The following MIGA1 variants were observed in gnomAD, a reference collection of about 807,000 sequenced individuals.
MIGA1 encodes the protein family with sequence similarity 73, member A.
Under a neutral mutation model 82.0 loss-of-function variants are expected in MIGA1, and 58 were observed. That is an observed-to-expected ratio of 0.71 (90% CI 0.57 to 0.88). The LOEUF (loss-of-function observed/expected upper bound fraction) is 0.88, where lower values mean the gene tolerates loss of function less well. Among genes scored for constraint, MIGA1 ranks in the 40% least tolerant of loss-of-function variants. The probability of loss-of-function intolerance (pLI) is 0.00; values close to 1 mark genes in which losing one functional copy is unlikely to be tolerated. For synonymous variants in MIGA1, 249 were observed against 253.6 expected, an observed-to-expected ratio of 0.98 and a Z score of 0.17; for missense variants, 751 against 749.1, an observed-to-expected ratio of 1.00 and a Z score of -0.03.
intron 7 of MIGA1, among the ~76,000 whole-genome samples, chr1:77,823,699 G>A (rs2101832922): frequency 6.6e-6 from 1 of 152,262 alleles, no homozygotes; most frequent in East Asian, 1.9e-4. Context: ...TGAGTAGCTA[G>A]GACTGCAGGT....
intron 14 of MIGA1, among the ~76,000 whole-genome samples, chr1:77,872,250 A>G (rs943266001): frequency 5.3e-5 from 8 of 152,218 alleles, no homozygotes; most frequent in Admixed American, 3.3e-4. Context: ...GATTATAGGC[A>G]TGAGCCACCA....
Position 77,840,923 on chromosome 1 carries a change from ATAAT to A in MIGA1, c.896-2380_896-2377del, listed in dbSNP as rs544656965. 2.9e-3 allele frequency among the ~76,000 whole-genome samples: 447 copies of A among 152,310 alleles called. 2 individuals are homozygous for A. Among genetic ancestry groups the A allele is most frequent in the African/African-American group, 0.01 (427 of 41,580 alleles). On this transcript the variant is annotated intron_variant, in intron 7 of 15. Transcript: ENST00000370791. ...TTTTGTGAAATACTGAGAATGGAAA[ATAAT>A]TAAGATAACGCTTTGAAGGTTGTAC... is the stretch of plus-strand genomic sequence containing the variant.
chr1:77,815,189 A>G lies in MIGA1; in HGVS notation c.853A>G (p.Thr285Ala). ...TCGTCTCCAAGAGGAGTTTGAAGCT[A>G]CCCTTGGGGCATCTGATCCTAATTC... Residue 285 changes from threonine (T) to alanine (A), a missense_variant, in exon 7 of 16, where the codon ACC (threonine) becomes GCC (alanine). By Grantham distance (58) the Thr-to-Ala change is moderately conservative (BLOSUM62 0). Transcript: ENST00000370791. The G allele has an allele frequency of 6.2e-7, 1 of 1,608,568 alleles. No homozygotes were observed. Among genetic ancestry groups the G allele is most frequent in the Non-Finnish European group, 8.5e-7 (1 of 1,176,770 alleles).
At position 77,779,687 on chromosome 1, in the gene MIGA1, G is replaced by C. The variant is rs371178606; in HGVS notation, c.32G>C (p.Ser11Thr). ...GACTGCTGCTCAGCGCCAGGCATCAGCTGGGAAGCTGGCGTGGGCAGGCCA... is the reference window on the plus strand; with the variant it reads ...GACTGCTGCTCAGCGCCAGGCATCACCTGGGAAGCTGGCGTGGGCAGGCCA... The change falls in exon 1 of 16, where the codon AGC (serine) becomes ACC (threonine). Residue 11 changes from serine to threonine, a missense_variant. Ser to Thr is a moderately conservative substitution (Grantham distance 58). Transcript: ENST00000370791. 1.3e-4 allele frequency: 200 copies of C among 1,589,790 alleles called. No individual in the cohort carries two copies. Among genetic ancestry groups the C allele is most frequent in the African/African-American group, 1.9e-4 (14 of 74,532 alleles).
At chr1:77,783,730 A>G (rs1360213500) in intron 2 of MIGA1, among the ~76,000 whole-genome samples, 1 of 152,186 alleles carries the variant, frequency 6.6e-6, no homozygotes, top group African/African-American at 2.4e-5. Flanking sequence ...TGTATAGTTC[A>G]TTAGCCTTAA....
At chr1:77,816,867 T>C (rs1480865946) in intron 7 of MIGA1, among the ~76,000 whole-genome samples, 1 of 151,878 alleles carries the variant, frequency 6.6e-6, no homozygotes, top group Non-Finnish European at 1.5e-5. Context: ...AGAATAAGAA[T>C]GGAACAACTA....
At chr1:77,849,295 G>T (rs1268488928) in intron 8 of MIGA1, among the ~76,000 whole-genome samples, 1 of 152,108 alleles carries the variant, frequency 6.6e-6, no homozygotes, top group Non-Finnish European at 1.5e-5. Context: ...TGTTCGAGAG[G>T]CTGAGGCAGG....
chr1:77,843,037 A>G (rs1684685673), intron 7 of MIGA1, among the ~76,000 whole-genome samples: 1 of 152,180 alleles, frequency 6.6e-6, no homozygotes, highest in Non-Finnish European at 1.5e-5. Flanking sequence ...AGATAATCCA[A>G]CTCTGGTTAT....
chr1:77,817,666 T>C (rs563430162), intron 7 of MIGA1, among the ~76,000 whole-genome samples: 2 of 152,334 alleles, frequency 1.3e-5, no homozygotes, highest in East Asian at 3.9e-4. Context: ...GGAGCAGCTC[T>C]TTTACAACTG....
chr1:77,864,189 C>A (rs1462110318), intron 13 of MIGA1, among the ~76,000 whole-genome samples, 161 bp downstream of exon 13: 4 of 137,042 alleles, frequency 2.9e-5, no homozygotes, highest in Non-Finnish European at 6.3e-5. Flanking sequence ...GGTGAAACCC[C>A]ATCTCTACTA....
Position 77,874,959 on chromosome 1 carries a change from T to C in MIGA1, c.1794T>C (p.Leu598=). Residue 598 remains leucine (L), a synonymous_variant, in exon 16 of 16, where the codon CTT becomes CTC. Transcript: ENST00000370791. ...AGTTACTCATTCGCCGCACTGAGCT[T>C]TTAATGGCCTATCTTGAAGCAGATG... is the stretch of plus-strand genomic sequence containing the variant. 1 of 1,614,154 alleles carries C rather than the reference T, an allele frequency of 6.2e-7. No individual in the cohort carries two copies. Among genetic ancestry groups the C allele is most frequent in the Non-Finnish European group, 8.5e-7 (1 of 1,180,012 alleles).
intron 12 of MIGA1, 64 bp from the exon 13 acceptor site, chr1:77,863,829 TG>T: frequency 8.2e-7 from 1 of 1,213,284 alleles, no homozygotes; most frequent in Non-Finnish European, 1.1e-6. Flanking sequence ...CATAAAGCCC[TG>T]GCTCAGATTT....
At chr1:77,815,303 A>AAGACAGACACTTATGC in intron 7 of MIGA1, 72 bp downstream of exon 7, 1 of 1,278,866 alleles carries the variant, frequency 7.8e-7, no homozygotes, top group Non-Finnish European at 1.0e-6. Context: ...TCATCTGCAT[A>AAGACAGACACTTATGC]AGTGTCTGTC....
At chr1:77,843,234 C>T (rs1310703067) in intron 7 of MIGA1, 73 bp from the exon 8 acceptor site, 1 of 1,107,160 alleles carries the variant, frequency 9.0e-7, no homozygotes, top group African/African-American at 1.5e-5. Flanking sequence ...AAATCAAAAT[C>T]AAACTATGGA....
chr1:77,807,367 G>C (rs1297942250), intron 5 of MIGA1, among the ~76,000 whole-genome samples: 1 of 152,030 alleles, frequency 6.6e-6, no homozygotes, highest in Non-Finnish European at 1.5e-5. Context: ...GTTTTGTCAT[G>C]TTGCCAGGTT....
At chr1:77,782,409 G>A (rs1381883349) in intron 1 of MIGA1, among the ~76,000 whole-genome samples, 1 of 152,026 alleles carries the variant, frequency 6.6e-6, no homozygotes, top group African/African-American at 2.4e-5. Flanking sequence ...TTCAGGGATG[G>A]TATGTTTTGA....
intron 7 of MIGA1, among the ~76,000 whole-genome samples, chr1:77,838,744 G>A (rs948296466): frequency 5.9e-5 from 9 of 152,090 alleles, no homozygotes; most frequent in Non-Finnish European, 1.2e-4. Context: ...CACTGCACCC[G>A]GTCACCTTCT....
chr1:77,847,428 C>A (rs1411214705), intron 8 of MIGA1: 10 of 1,401,630 alleles, frequency 7.1e-6, no homozygotes, highest in Non-Finnish European at 1.0e-5. Flanking sequence ...TCACAACTTG[C>A]TAAAAGCAGT....
At chr1:77,850,195 A>C (rs1180811979) in intron 8 of MIGA1, among the ~76,000 whole-genome samples, 1 of 152,232 alleles carries the variant, frequency 6.6e-6, no homozygotes. Flanking sequence ...GTATCTTTAC[A>C]GCATGGCACC....
Sources: gnomAD v4.1 joint callset for allele counts (sites outside exome capture counted in the v4.1 genomes callset) on GRCh38, gnomAD v4.1.1 for gene constraint, MANE v1.5 for transcripts, NCBI Gene and HGNC (gene_info 2026-07-23, HGNC 2026-07-21) for gene names.